Variants in NUMA1 observed in about 807,000 individuals in gnomAD.
NUMA1 encodes the protein nuclear mitotic apparatus protein 1.
NUMA1 carries 62 observed loss-of-function variants against 237.1 expected under a neutral mutation model. The ratio of observed to expected loss-of-function variants is 0.26; its 90% CI spans 0.21 to 0.32. The LOEUF (loss-of-function observed/expected upper bound fraction) is 0.32. NUMA1 is among the 10% of genes least tolerant of loss of function. NUMA1 has a pLI of 1.00. For missense variants in NUMA1, 2,533 were observed against 2,666.5 expected, an observed-to-expected ratio of 0.95 and a Z score of 1.10; for synonymous variants, 1,028 against 1,066.1, an observed-to-expected ratio of 0.96 and a Z score of 0.70.
At chr11:72,018,596 G>C in intron 10 of NUMA1, 83 bp from the exon 11 acceptor site, 1 of 1,258,552 alleles carries the variant, frequency 7.9e-7, no homozygotes, top group Non-Finnish European at 1.1e-6. Context: ...ATGTGCACAA[G>C]GGGAAGGGAG....
Position 72,007,415 on chromosome 11 carries a change from G to C in NUMA1, c.5237C>G (p.Pro1746Arg). 6.2e-7 allele frequency: 1 copy of C among 1,613,670 alleles called. No homozygotes were observed. Among genetic ancestry groups the C allele is most frequent in the Non-Finnish European group, 8.5e-7 (1 of 1,179,932 alleles). Reference protein sequence around the residue: ...SITSKLPRTQPDGTSVPGEPA... With the variant: ...SITSKLPRTQRDGTSVPGEPA... The stretch of plus-strand genomic sequence containing the variant: ...TTCTCCAGGGACGCTGGTGCCGTCT[G>C]GCTGGGTACGAGGCAGCTTGCTATG... The change falls in exon 21 of 27, where the codon CCA becomes CGA. Residue 1746 changes from proline (P) to arginine (R), a missense_variant. Pro to Arg is a moderately radical substitution (Grantham distance 103). Coordinates refer to ENST00000393695, the MANE Select transcript of NUMA1 (RefSeq NM_006185.4).
chr11:72,015,655 C>T lies in NUMA1; in HGVS notation c.1848G>A (p.Lys616=). 1 of 1,613,872 alleles carries T rather than the reference C, an allele frequency of 6.2e-7. No homozygotes were observed. Among genetic ancestry groups the T allele is most frequent in the Non-Finnish European group, 8.5e-7 (1 of 1,180,036 alleles). ...LEALEKEKAA[K]LEILQQQLQV... is the part of the protein sequence containing the mutation. ...GAAGTTGCTGCTGCAGAATCTCCAGCTTGGCAGCCTTCTCCTTCTCCAGTG... is the reference window on the plus strand; with the variant it reads ...GAAGTTGCTGCTGCAGAATCTCCAGTTTGGCAGCCTTCTCCTTCTCCAGTG... Residue 616 remains lysine (K), a synonymous_variant, in exon 15 of 27, where the codon AAG becomes AAA. Transcript: ENST00000393695. The surrounding 1 kb of genome is among the most constrained non-coding windows in gnomAD (Gnocchi z 4.0).
intron 9 of NUMA1, 71 bp from the exon 10 acceptor site, chr11:72,019,051 T>C (rs1474751209): frequency 1.3e-6 from 2 of 1,564,180 alleles, no homozygotes; most frequent in Non-Finnish European, 1.7e-6. Flanking sequence ...CAGGCAGCAG[T>C]AAGGGAGCGG....
In NUMA1 at chr11:72,016,508, T is replaced by G. The variant is rs1348688384; in HGVS notation, c.1142A>C (p.Glu381Ala). 1 of 1,613,924 alleles carries G rather than the reference T, an allele frequency of 6.2e-7. No homozygotes were observed. The highest frequency in any genetic ancestry group is 2.2e-5 in the East Asian group (1 of 44,896). Residue 381 changes from glutamate (E) to alanine (A), a missense_variant, in exon 14 of 27, where the codon GAA (glutamate) becomes GCA (alanine). This residue lies in a region of NUMA1 where 1,414 missense variants were observed against 1,508.1 expected (regional missense o/e 0.94). Coordinates refer to ENST00000393695, the MANE Select transcript of NUMA1 (RefSeq NM_006185.4). ...CTGTGAAAGTTTTCCCTGAAGGATT[T>G]CGTTCTTCTCTTCAAGGCATTTCTG... Reference protein sequence around the residue: ...QDKKCLEEKNEILQGKLSQLE... With the variant: ...QDKKCLEEKNAILQGKLSQLE...
Position 72,016,028 on chromosome 11 carries a change from T to G in NUMA1, c.1475A>C (p.His492Pro), listed in dbSNP as rs775867983. Residue 492 changes from histidine to proline, a missense_variant, in exon 15 of 27, where the codon CAT becomes CCT. Physicochemically the swap from His to Pro is moderately conservative, Grantham distance 77. Around this residue, in one of 3 missense-constraint regions of NUMA1, gnomAD observed 1,414 missense variants for 1,508.1 expected, o/e 0.94. Transcript: ENST00000393695. ...CACCTGGGCAGTCAACCGGGCCCCA[T>G]GAGCCTGGGAGGCCTGCTCCAGCTC... is the stretch of plus-strand genomic sequence containing the variant. Reference protein sequence around the residue: ...KEELEQASQAHGARLTAQVAS... With the variant: ...KEELEQASQAPGARLTAQVAS... 1.2e-6 allele frequency: 2 copies of G among 1,613,984 alleles called. No homozygotes were observed. The highest frequency in any genetic ancestry group is 4.5e-5 in the East Asian group (2 of 44,878).
chr11:72,039,345 C>A (rs141500763), intron 2 of NUMA1, among the ~76,000 whole-genome samples: 30 of 152,380 alleles, frequency 2.0e-4, no homozygotes, highest in African/African-American at 6.7e-4. Context: ...TGAGCTGCAG[C>A]AGCACTGCTC....
intron 2 of NUMA1, among the ~76,000 whole-genome samples, chr11:72,039,536 AT>A (rs1941424504): frequency 1.3e-5 from 2 of 152,200 alleles, no homozygotes; most frequent in Admixed American, 1.3e-4. Flanking sequence ...CTGAACCCTC[AT>A]TCTCTTAGTG....
intron 1 of NUMA1, among the ~76,000 whole-genome samples, chr11:72,077,611 G>A (rs192782510): frequency 4.6e-5 from 7 of 152,062 alleles, no homozygotes; most frequent in Non-Finnish European, 8.8e-5. Flanking sequence ...TCAGGGGATC[G>A]AGACCATCAT....
At chr11:72,047,042 G>A (rs1032262942) in intron 2 of NUMA1, among the ~76,000 whole-genome samples, 1 of 152,114 alleles carries the variant, frequency 6.6e-6, no homozygotes, top group Non-Finnish European at 1.5e-5. Flanking sequence ...GAAGCGGGGT[G>A]GTGACTGGTT....
chr11:72,017,795 T>C lies in NUMA1; in HGVS notation c.1011A>G (p.Leu337=), dbSNP rs769035375. ...LREFASHLQQ[L]QDALNELTEE... ...CCGTCAGCTCATTGAGGGCATCCTG[T>C]AGCTGCTGCAGATGACTGGCAAACT... Residue 337 remains leucine, a synonymous_variant, in exon 13 of 27, where the codon CTA becomes CTG. Transcript: ENST00000393695. The C allele has an allele frequency of 1.2e-6, 2 of 1,609,480 alleles. No individual in the cohort carries two copies. The highest frequency in any genetic ancestry group is 1.7e-6 in the Non-Finnish European group (2 of 1,176,972).
chr11:72,034,559 T>A (rs1190276942), intron 3 of NUMA1, among the ~76,000 whole-genome samples: 1 of 151,746 alleles, frequency 6.6e-6, no homozygotes, highest in African/African-American at 2.4e-5. Flanking sequence ...TACAAAAAAA[T>A]TAGCTGGGCA....
Position 72,013,044 on chromosome 11 carries a change from C to T in NUMA1, c.4459G>A (p.Ala1487Thr). Residue 1487 changes from alanine to threonine, a missense_variant, in exon 15 of 27, where the codon GCT (alanine) becomes ACT (threonine). Physicochemically the swap from Ala to Thr is moderately conservative, Grantham distance 58 (BLOSUM62 0). Around this residue, in one of 3 missense-constraint regions of NUMA1, gnomAD observed 324 missense variants for 407.6 expected, o/e 0.79. Transcript: ENST00000393695. This position sits in a 1 kb window ranked among gnomAD's most constrained non-coding sequence, Gnocchi z 6.8. ...TGCACCTCAGCCAGACGGGTCTCAG[C>T]ATCAGCACGTACGGCTGCCAACTCT... The part of the protein sequence containing the change: ...VQELAAVRAD[A>T]ETRLAEVQRE... 6.2e-7 allele frequency: 1 copy of T among 1,614,230 alleles called. No homozygotes were observed. The highest frequency in any genetic ancestry group is 8.5e-7 in the Non-Finnish European group (1 of 1,180,046).
At position 72,004,773 on chromosome 11, in the gene NUMA1, G is replaced by A; in HGVS notation, c.5873C>T (p.Thr1958Ile). 1 of 1,599,064 alleles carries A rather than the reference G, an allele frequency of 6.3e-7. No homozygotes were observed. The highest frequency in any genetic ancestry group is 8.5e-7 in the Non-Finnish European group (1 of 1,173,698). The part of the protein sequence containing the change: ...LGTITDEEMK[T>I]GDPQETLRRA... ...GCGCAGGGTCTCTTGGGGGTCTCCA[G>A]TTTTCATCTCCTCATCTGTGATGGT... is the stretch of plus-strand genomic sequence containing the variant. Residue 1958 changes from threonine to isoleucine, a missense_variant, in exon 24 of 27, where the codon ACT becomes ATT. Physicochemically the swap from Thr to Ile is moderately conservative, Grantham distance 89. Around this residue, in one of 3 missense-constraint regions of NUMA1, gnomAD observed 795 missense variants for 750.8 expected, o/e 1.06. Coordinates refer to ENST00000393695, the MANE Select transcript of NUMA1 (RefSeq NM_006185.4).
chr11:72,071,048 GGA>G (rs1943427661), intron 1 of NUMA1, among the ~76,000 whole-genome samples: 1 of 152,198 alleles, frequency 6.6e-6, no homozygotes, highest in African/African-American at 2.4e-5. Flanking sequence ...CAAACACCAT[GGA>G]AGATACAGAA....
At position 72,015,701 on chromosome 11, in the gene NUMA1, G is replaced by A. The variant is rs548451727; in HGVS notation, c.1802C>T (p.Ala601Val). The change falls in exon 15 of 27, where the codon GCG (alanine) becomes GTG (valine). Residue 601 changes from alanine (A) to valine (V), a missense_variant. Physicochemically the swap from Ala to Val is moderately conservative, Grantham distance 64 (BLOSUM62 0). Coordinates refer to ENST00000393695, the MANE Select transcript of NUMA1 (RefSeq NM_006185.4). This position sits in a 1 kb window ranked among gnomAD's most constrained non-coding sequence, Gnocchi z 4.0. ...CAGTGCCTCCAGCTGCTTGAGAGCC[G>A]CATCCCGCTCCCTTAAGGAGGCCTC... The part of the protein sequence containing the change: ...EREASLRERD[A>V]ALKQLEALEK... The A allele has an allele frequency of 1.9e-5, 31 of 1,613,980 alleles. No individual in the cohort carries two copies. The highest frequency in any genetic ancestry group is 7.7e-5 in the South Asian group (7 of 91,086).
At chr11:72,023,362 A>T (rs1056837709) in intron 5 of NUMA1, among the ~76,000 whole-genome samples, 2 of 152,292 alleles carry the variant, frequency 1.3e-5, no homozygotes, top group African/African-American at 4.8e-5. Context: ...GGATAATGGA[A>T]GAAGAAAGCA....
chr11:72,068,183 T>G (rs1033453181), intron 2 of NUMA1: 2 of 152,248 alleles, frequency 1.3e-5, no homozygotes, highest in Admixed American at 1.3e-4. Context: ...CAACTCTTTC[T>G]GGGGGTCTTC....
chr11:72,045,428 T>C (rs1941941787), intron 2 of NUMA1, among the ~76,000 whole-genome samples: 1 of 152,230 alleles, frequency 6.6e-6, no homozygotes, highest in Non-Finnish European at 1.5e-5. Flanking sequence ...GCAAAGCAGA[T>C]ACCAAAACTT....
Position 72,013,276 on chromosome 11 carries a change from C to G in NUMA1, c.4227G>C (p.Leu1409=). The stretch of plus-strand genomic sequence containing the variant: ...CTGCCACCTTCTGCCGCAGAGGAAT[C>G]AGCTCCCCAAGCTCCCGCTGGGCCC... ...LLRAQRELGE[L]IPLRQKVAEQ... is the part of the protein sequence containing the mutation. Residue 1409 remains leucine, a synonymous_variant, in exon 15 of 27, where the codon CTG becomes CTC. Transcript: ENST00000393695. This position sits in a 1 kb window ranked among gnomAD's most constrained non-coding sequence, Gnocchi z 6.8. 1 of 1,604,624 alleles carries G rather than the reference C, an allele frequency of 6.2e-7. No individual in the cohort carries two copies. The highest frequency in any genetic ancestry group is 8.5e-7 in the Non-Finnish European group (1 of 1,179,804).
Sources: gnomAD v4.1 joint callset for allele counts (sites outside exome capture counted in the v4.1 genomes callset) on GRCh38, gnomAD v4.1.1 for gene constraint, gnomAD v4.1.1 regional missense constraint, Gnocchi (gnomAD v3.1) non-coding constraint, MANE v1.5 for transcripts, NCBI Gene and HGNC (gene_info 2026-07-23, HGNC 2026-07-21) for gene names.